The following TTYH2 variants were observed in gnomAD, a reference collection of about 807,000 sequenced individuals.
TTYH2 encodes the protein tweety family member 2.
A neutral mutation model predicts 68.3 loss-of-function variants in TTYH2; 49 were observed. That is an observed-to-expected ratio of 0.72 (90% CI 0.57 to 0.91). TTYH2 has a LOEUF of 0.91. Among genes scored for constraint, TTYH2 ranks in the 40% least tolerant of loss-of-function variants. TTYH2 has a pLI of 0.00. For synonymous variants in TTYH2, 272 were observed against 300.8 expected, an observed-to-expected ratio of 0.90 and a Z score of 0.99; for missense variants, 631 against 700.4, an observed-to-expected ratio of 0.90 and a Z score of 1.12.
chr17:74,240,396 G>C (rs971624173), intron 4 of TTYH2, among the ~76,000 whole-genome samples: 1 of 151,252 alleles, frequency 6.6e-6, no homozygotes, highest in Non-Finnish European at 1.5e-5. Flanking sequence ...CCGAGATTGC[G>C]CCACTGCACT....
chr17:74,231,574 G>A (rs2050390099), intron 3 of TTYH2, among the ~76,000 whole-genome samples: 2 of 152,096 alleles, frequency 1.3e-5, no homozygotes, highest in African/African-American at 2.4e-5. Flanking sequence ...CTACTTGGGA[G>A]GCTGAGGCAG....
intron 13 of TTYH2, among the ~76,000 whole-genome samples, chr17:74,255,746 G>T (rs1283720554): frequency 6.6e-6 from 1 of 152,180 alleles, no homozygotes; most frequent in Non-Finnish European, 1.5e-5. Context: ...CAGAGCTGTG[G>T]CATTTATAAG....
chr17:74,235,249 G>A lies in TTYH2; in HGVS notation c.415-2045G>A, dbSNP rs555481397. 4.6e-5 allele frequency among the ~76,000 whole-genome samples: 7 copies of A among 152,348 alleles called. No individual in the cohort carries two copies. The South Asian group carries it at 1.5e-3, about 32-fold the overall frequency. ...CAGAGAACACCGTTGGCCTCCGAGA[G>A]TGGAATCTAATCGGCCTTGCTGATC... On this transcript the variant is annotated intron_variant, in intron 3 of 13. Transcript: ENST00000269346.
intron 5 of TTYH2, 32 bp from the exon 6 acceptor site, chr17:74,243,945 C>T (rs1212707204): frequency 2.5e-6 from 4 of 1,605,614 alleles, no homozygotes; most frequent in Non-Finnish European, 3.4e-6. Flanking sequence ...GGGGACCCCG[C>T]CTGCCAACGT....
chr17:74,253,907 T>C, intron 13 of TTYH2, 74 bp downstream of exon 13: 1 of 1,466,172 alleles, frequency 6.8e-7, no homozygotes, highest in South Asian at 1.1e-5. Flanking sequence ...CAGTGAATCC[T>C]GTCCACAAAG....
intron 3 of TTYH2, among the ~76,000 whole-genome samples, chr17:74,234,250 G>A (rs2050420345): frequency 6.6e-6 from 1 of 152,210 alleles, no homozygotes; most frequent in East Asian, 1.9e-4. Flanking sequence ...GACCACACTT[G>A]AGAACTGCTC....
chr17:74,213,770 A>ACC lies in TTYH2; in HGVS notation c.129+58_129+59dup. 6.3e-7 allele frequency: 1 copy of ACC among 1,576,964 alleles called. No individual in the cohort carries two copies. The highest frequency in any genetic ancestry group is 8.6e-7 in the Non-Finnish European group (1 of 1,160,268). On this transcript the variant is annotated intron_variant, in intron 1 of 13. Transcript: ENST00000269346. This position sits in a 1 kb window ranked among gnomAD's most constrained non-coding sequence, Gnocchi z 6.1. ...CACGCGCGCCCCAAGTCCCCGCACT[A>ACC]CCCCCTCTCCCCTCGAGAGCCTGCA... is the stretch of plus-strand genomic sequence containing the variant.
intron 4 of TTYH2, 49 bp downstream of exon 4, chr17:74,237,563 G>C (rs746839785): frequency 1.3e-6 from 2 of 1,525,310 alleles, no homozygotes; most frequent in East Asian, 4.6e-5. Flanking sequence ...GGCTACATCA[G>C]CTTTGTTTAT....
rs141321851 is a variant in TTYH2, at chr17:74,230,175, C to T, written c.303-713C>T. ...TAAAGGGGTTAGAGGGGAGGGGGTA[C>T]TTAATGGGCAGAGCACAGAGGAATT... On this transcript the variant is annotated intron_variant, in intron 2 of 13. Transcript: ENST00000269346. Among the ~76,000 whole-genome samples, 467 of 151,832 alleles carry T rather than the reference C, an allele frequency of 3.1e-3. 4 individuals carry two copies. Among genetic ancestry groups the T allele is most frequent in the African/African-American group, 0.011 (443 of 41,364 alleles).
Position 74,241,146 on chromosome 17 carries a change from GGATCCAGCTCACACCTAT to G in TTYH2, c.636-2222_636-2205del, listed in dbSNP as rs1184285249. ...CTAATCTGTACTAATCTGTAGAATG[GGATCCAGCTCACACCTAT>G]GATCCCAGCACTTTGGGAGGCTGAG... On this transcript the variant is annotated intron_variant, in intron 4 of 13. Coordinates refer to ENST00000269346, the MANE Select transcript of TTYH2 (RefSeq NM_032646.6). This position sits in a 1 kb window ranked among gnomAD's most constrained non-coding sequence, Gnocchi z 4.1. 6.6e-6 allele frequency among the ~76,000 whole-genome samples: 1 copy of G among 152,046 alleles called. No homozygotes were observed. Among genetic ancestry groups the G allele is most frequent in the African/African-American group, 2.4e-5 (1 of 41,372 alleles).
intron 13 of TTYH2, among the ~76,000 whole-genome samples, chr17:74,255,009 G>T (rs893039677): frequency 7.2e-5 from 11 of 152,180 alleles, no homozygotes; most frequent in African/African-American, 2.7e-4. Flanking sequence ...CTGAGATACA[G>T]CCTCAGGGGA....
chr17:74,237,595 C>A (rs2050457056), intron 4 of TTYH2, 81 bp downstream of exon 4: 2 of 1,291,818 alleles, frequency 1.5e-6, no homozygotes, highest in African/African-American at 3.0e-5. Context: ...TGTTGAGCTC[C>A]AGGTGGAGAA....
rs2050198028 is a variant in TTYH2, at chr17:74,214,034, G to A, written c.129+318G>A. Among the ~76,000 whole-genome samples the A allele has an allele frequency of 6.6e-6, 1 of 152,174 alleles. No individual in the cohort carries two copies. Among genetic ancestry groups the A allele is most frequent in the Non-Finnish European group, 1.5e-5 (1 of 68,030 alleles). ...GAGCGGGCAGGGCGGCGCGGGGGAG[G>A]GGTAAGGACAGGGGCATTCGTCTCG... On this transcript the variant is annotated intron_variant, in intron 1 of 13. Transcript: ENST00000269346. This position sits in a 1 kb window ranked among gnomAD's most constrained non-coding sequence, Gnocchi z 4.6.
rs193219800 is a variant in TTYH2 at position 74,224,208 on chromosome 17, G to T, written c.302+1551G>T. Among the ~76,000 whole-genome samples the T allele has an allele frequency of 9.9e-5, 15 of 152,268 alleles. 1 individual carries two copies. Among genetic ancestry groups the T allele is most frequent in the African/African-American group, 3.6e-4 (15 of 41,562 alleles). On this transcript the variant is annotated intron_variant, in intron 2 of 13. Coordinates refer to ENST00000269346, the MANE Select transcript of TTYH2 (RefSeq NM_032646.6). ...GTGGATCGCCTGAGCTCAGGAGTTC[G>T]AGATCACCTTGGGCAATGTAGTGAG...
chr17:74,223,406 G>T (rs926108167), intron 2 of TTYH2, among the ~76,000 whole-genome samples: 3 of 152,084 alleles, frequency 2.0e-5, no homozygotes, highest in Non-Finnish European at 2.9e-5. Context: ...GATTACAGGC[G>T]TGAGGCACTA....
rs374168818 is a variant in TTYH2, at chr17:74,250,023, G to T, written c.1018G>T (p.Ala340Ser). The T allele has an allele frequency of 3.1e-6, 5 of 1,614,000 alleles. No individual in the cohort carries two copies. In the African/African-American group the frequency reaches 6.7e-5, roughly 22 times the overall value. Residue 340 changes from alanine to serine, a missense_variant, in exon 9 of 14, where the codon GCA (alanine) becomes TCA (serine). By Grantham distance (99) the Ala-to-Ser change is moderately conservative. Coordinates refer to ENST00000269346, the MANE Select transcript of TTYH2 (RefSeq NM_032646.6). ...LQFAVPLFST[A>S]EEDLLAIQLL... The stretch of plus-strand genomic sequence containing the variant: ...GTTTGCCGTGCCCCTCTTCTCCACT[G>T]CAGAGGTAAGGCAGCTGTGCAGGAA...
intron 6 of TTYH2, among the ~76,000 whole-genome samples, chr17:74,247,138 C>T (rs554932052): frequency 4.7e-5 from 7 of 148,068 alleles, no homozygotes; most frequent in Non-Finnish European, 7.4e-5. Flanking sequence ...GCCAAGATCA[C>T]GCCACTGCAC....
At chr17:74,221,908 A>G (rs913815890) in intron 1 of TTYH2, among the ~76,000 whole-genome samples, 1 of 152,172 alleles carries the variant, frequency 6.6e-6, no homozygotes, top group Admixed American at 6.5e-5. Context: ...CCCAACACCT[A>G]GAACAAGCTC....
At chr17:74,242,325 A>T (rs899188506) in intron 4 of TTYH2, among the ~76,000 whole-genome samples, 5 of 152,204 alleles carry the variant, frequency 3.3e-5, no homozygotes, top group African/African-American at 1.2e-4. Flanking sequence ...GAGCCCACTC[A>T]CCTGGGTATC....
Sources: gnomAD v4.1 joint callset for allele counts (sites outside exome capture counted in the v4.1 genomes callset) on GRCh38, gnomAD v4.1.1 for gene constraint, Gnocchi (gnomAD v3.1) non-coding constraint, MANE v1.5 for transcripts, NCBI Gene and HGNC (gene_info 2026-07-23, HGNC 2026-07-21) for gene names.